Variants in WBP2NL observed in about 807,000 individuals in gnomAD.
The protein encoded by WBP2NL is WBP2 N-terminal like, also known as postacrosomal sheath WW domain-binding protein.
WBP2NL carries 27 observed loss-of-function variants against 23.3 expected under a neutral mutation model. The observed-to-expected ratio is 1.16, with a 90% CI of 0.85 to 1.60. The LOEUF (loss-of-function observed/expected upper bound fraction) is 1.60, where lower values mean the gene tolerates loss of function less well. WBP2NL is among the 40% of genes most tolerant of loss of function. The probability of loss-of-function intolerance (pLI) is 0.00; values close to 1 mark genes in which losing one functional copy is unlikely to be tolerated. For missense variants in WBP2NL, 370 were observed against 389.5 expected (o/e 0.95, Z 0.42); for synonymous variants, 151 against 145.9 (o/e 1.03, Z -0.25).
At chr22:42,009,082 T>A (rs1282424029) in intron 1 of WBP2NL, among the ~76,000 whole-genome samples, 1 of 152,116 alleles carries the variant, frequency 6.6e-6, no homozygotes, top group African/African-American at 2.4e-5. Context: ...CCTGGCCAAT[T>A]TTTTTGTATT....
At chr22:42,002,942 A>G (rs540313401) in intron 1 of WBP2NL, 1 of 152,300 alleles carries the variant, frequency 6.6e-6, no homozygotes, top group African/African-American at 2.4e-5. Context: ...GTTCAAGACC[A>G]CGCTGAGCAA....
At chr22:42,049,705 CAAAAA>C (rs1158837575) in intron 8 of WBP2NL, among the ~76,000 whole-genome samples, 53 of 37,470 alleles carry the variant, frequency 1.4e-3, no homozygotes, top group Admixed American at 1.8e-3. Flanking sequence ...CAAAACAAAA[CAAAAA>C]AAAAAAAAAA....
At chr22:42,046,884 C>T (rs1207336736) in intron 8 of WBP2NL, among the ~76,000 whole-genome samples, 1 of 152,086 alleles carries the variant, frequency 6.6e-6, no homozygotes, top group Non-Finnish European at 1.5e-5. Flanking sequence ...TAATTTAGTC[C>T]ACAGAAACTA....
downstream of WBP2NL, among the ~76,000 whole-genome samples, chr22:42,035,567 C>G (rs1925152364): frequency 6.6e-6 from 1 of 152,246 alleles, no homozygotes; most frequent in Non-Finnish European, 1.5e-5. Context: ...AGCAGCTGCT[C>G]CAGATGGCCT....
chr22:42,001,498 G>A (rs1042894927), intron 1 of WBP2NL: 10 of 984,308 alleles, frequency 1.0e-5, no homozygotes, highest in South Asian at 4.0e-5. Context: ...GGCAGTCACC[G>A]AAACCTCGCA....
intron 8 of WBP2NL, among the ~76,000 whole-genome samples, chr22:42,047,269 C>CAAAAAAA (rs140516534): frequency 6.9e-5 from 7 of 101,488 alleles, no homozygotes; most frequent in Non-Finnish European, 1.0e-4. Flanking sequence ...TTTTCAAGCT[C>CAAAAAAA]AAAAAAAAAA....
At chr22:42,015,780 GTTTGT>G (rs1327516999) in intron 1 of WBP2NL, among the ~76,000 whole-genome samples, 1 of 152,028 alleles carries the variant, frequency 6.6e-6, no homozygotes, top group African/African-American at 2.4e-5. Flanking sequence ...TTCATTTTTT[GTTTGT>G]TTTTAGTATG....
chr22:42,036,300 G>A (rs551335573), downstream of WBP2NL, among the ~76,000 whole-genome samples: 3 of 151,938 alleles, frequency 2.0e-5, no homozygotes, highest in Non-Finnish European at 4.4e-5. Context: ...TCAGCCTCCC[G>A]AGCAGCTGGG....
chr22:42,029,939 C>G (rs925712176), downstream of WBP2NL: 10 of 152,160 alleles, frequency 6.6e-5, no homozygotes, highest in African/African-American at 2.4e-4. Flanking sequence ...CTTAACACAG[C>G]TTAGAGTCAT....
At chr22:42,038,560 A>G (rs1925276161) in intron 8 of WBP2NL, among the ~76,000 whole-genome samples, 1 of 152,140 alleles carries the variant, frequency 6.6e-6, no homozygotes, top group Non-Finnish European at 1.5e-5. Flanking sequence ...AATATTTGGT[A>G]GAATTAGCAT....
At chr22:42,011,034 A>C (rs1006666375) in intron 1 of WBP2NL, among the ~76,000 whole-genome samples, 1 of 152,110 alleles carries the variant, frequency 6.6e-6, no homozygotes, top group East Asian at 1.9e-4. Flanking sequence ...TTGGTTTGCT[A>C]GTATTTTGTT....
intron 1 of WBP2NL, among the ~76,000 whole-genome samples, chr22:42,015,501 C>T (rs9623497): frequency 1.2e-3 from 179 of 152,150 alleles, no homozygotes; most frequent in African/African-American, 4.0e-3. Flanking sequence ...CTCCCGGGTT[C>T]AAGCAATTCT....
intron 1 of WBP2NL, among the ~76,000 whole-genome samples, chr22:42,006,218 A>G (rs1922222449): frequency 1.4e-5 from 2 of 144,960 alleles, no homozygotes; most frequent in South Asian, 4.3e-4. Flanking sequence ...TTTGTTTCCC[A>G]ATCTTTTTTT....
At chr22:42,002,235 C>T (rs1264595866) in intron 1 of WBP2NL, among the ~76,000 whole-genome samples, 5 of 152,150 alleles carry the variant, frequency 3.3e-5, no homozygotes, top group Non-Finnish European at 5.9e-5. Context: ...TAGCATTTAT[C>T]GAACACTATT....
intron 5 of WBP2NL, among the ~76,000 whole-genome samples, chr22:42,024,434 T>C (rs1431895955): frequency 6.6e-6 from 1 of 152,198 alleles, no homozygotes; most frequent in Non-Finnish European, 1.5e-5. Context: ...TGCTGCACTA[T>C]TTTACATTCC....
intron 8 of WBP2NL, among the ~76,000 whole-genome samples, chr22:42,048,625 G>A (rs1488397244): frequency 1.3e-5 from 2 of 151,478 alleles, no homozygotes; most frequent in East Asian, 1.9e-4. Context: ...GTGTGGTGGC[G>A]GGTGCCTGTG....
intron 8 of WBP2NL, among the ~76,000 whole-genome samples, chr22:42,049,705 CAAAAAAAAAAAA>C (rs1158837575): frequency 5.0e-3 from 189 of 37,488 alleles, no homozygotes; most frequent in South Asian, 0.037. Context: ...CAAAACAAAA[CAAAAAAAAAAAA>C]AAAAAAAAAA....
At chr22:42,048,319 C>G (rs1925678022) in intron 8 of WBP2NL, among the ~76,000 whole-genome samples, 1 of 150,380 alleles carries the variant, frequency 6.6e-6, no homozygotes, top group Admixed American at 6.6e-5. Flanking sequence ...ACTCGGGAGG[C>G]AGAGGTTGCA....
chr22:42,013,909 T>A (rs149152747), intron 1 of WBP2NL, among the ~76,000 whole-genome samples: 5,939 of 151,430 alleles, frequency 0.039, 187 homozygotes, highest in Non-Finnish European at 0.058. Flanking sequence ...GCCTCCGGAG[T>A]AGCTGGGATT....
Sources: gnomAD v4.1 joint callset for allele counts (sites outside exome capture counted in the v4.1 genomes callset) on GRCh38, gnomAD v4.1.1 for gene constraint, MANE v1.5 for transcripts, NCBI Gene and HGNC (gene_info 2026-07-23, HGNC 2026-07-21) for gene names.